The following FBLN7 variants were observed in gnomAD, a reference collection of about 807,000 sequenced individuals.
The protein encoded by FBLN7 is fibulin 7.
FBLN7 carries 31 observed loss-of-function variants against 44.0 expected under a neutral mutation model. That is an observed-to-expected ratio of 0.70 (90% CI 0.53 to 0.95). The LOEUF is 0.95. Among genes scored for constraint, FBLN7 ranks in the 40% least tolerant of loss-of-function variants. FBLN7 has a pLI of 0.00. For synonymous variants in FBLN7, 262 were observed against 253.4 expected (o/e 1.03, Z -0.32); for missense variants, 573 against 618.5 (o/e 0.93, Z 0.78).
the FBLN7 span, among the ~76,000 whole-genome samples, chr2:112,205,175 TAACTC>T: frequency 1.3e-5 from 2 of 152,010 alleles, no homozygotes; most frequent in African/African-American, 2.4e-5. Context: ...ATTAACAAAA[TAACTC>T]AAATGGCTAT....
intron 2 of FBLN7, among the ~76,000 whole-genome samples, chr2:112,160,732 GCACACGCACACACGCGCACGCACACA>G (rs1681755325): frequency 1.2e-5 from 1 of 83,598 alleles, no homozygotes; most frequent in South Asian, 3.6e-4. Context: ...GCACACGCAC[GCACACGCACACACGCGCACGCACACA>G]CGCACGCACA....
the FBLN7 span, among the ~76,000 whole-genome samples, chr2:112,209,642 C>G: frequency 6.6e-6 from 1 of 152,126 alleles, no homozygotes; most frequent in East Asian, 1.9e-4. Flanking sequence ...GGGCTATCAC[C>G]AGAGCCTGAG....
the FBLN7 span, among the ~76,000 whole-genome samples, chr2:112,240,952 A>AGTGTGT: frequency 0.012 from 1,758 of 142,664 alleles, 10 homozygotes; most frequent in Admixed American, 0.016. Context: ...TACAGGTAAC[A>AGTGTGT]GTGTGTGTGT....
chr2:112,180,648 T>C (rs771385550), intron 4 of FBLN7, among the ~76,000 whole-genome samples: 37 of 151,982 alleles, frequency 2.4e-4, no homozygotes, highest in South Asian at 4.1e-4. Flanking sequence ...GGGCTGGGCG[T>C]GGTGGCTCAC....
At position 112,187,020 on chromosome 2, in the gene FBLN7, T is replaced by C; in HGVS notation, c.948-114T>C. On this transcript the variant is annotated intron_variant, in intron 7 of 7. Transcript: ENST00000331203. The surrounding 1 kb of genome is among the most constrained non-coding windows in gnomAD (Gnocchi z 5.1). ...AGCTCCTGGGTGAAGGACCCGTGGC[T>C]GGGAAAGGTCATCTAGGTGGCCTCT... 1 of 1,328,110 alleles carries C rather than the reference T, an allele frequency of 7.5e-7. No individual in the cohort carries two copies. Among genetic ancestry groups the C allele is most frequent in the Non-Finnish European group, 1.0e-6 (1 of 973,168 alleles). 82.3% of individuals were successfully genotyped at this position (1,328,110 alleles called of 1,614,324 possible).
chr2:112,153,452 T>A (rs868172243), intron 1 of FBLN7, among the ~76,000 whole-genome samples: 2 of 152,124 alleles, frequency 1.3e-5, no homozygotes, highest in Non-Finnish European at 2.9e-5. Context: ...TCAAAAGGTG[T>A]CACTGTACCA....
At chr2:112,160,660 G>GCAGACGCACGCA (rs1558879500) in intron 2 of FBLN7, among the ~76,000 whole-genome samples, 7 of 21,868 alleles carry the variant, frequency 3.2e-4, no homozygotes. Flanking sequence ...ACGCACACGC[G>GCAGACGCACGCA]CACGCACACG....
At position 112,187,057 on chromosome 2, in the gene FBLN7, G is replaced by C; in HGVS notation, c.948-77G>C. The C allele has an allele frequency of 6.5e-7, 1 of 1,548,048 alleles. No individual in the cohort carries two copies. The highest frequency in any genetic ancestry group is 1.2e-5 in the South Asian group (1 of 80,644). ...TCTAGGTGGCCTCTGCAAGAGGGCAGGTGGGCAGCCGGGTCAGAGCAGCTC... is the reference window on the plus strand; with the variant it reads ...TCTAGGTGGCCTCTGCAAGAGGGCACGTGGGCAGCCGGGTCAGAGCAGCTC... On this transcript the variant is annotated intron_variant, in intron 7 of 7. Transcript: ENST00000331203. This position sits in a 1 kb window ranked among gnomAD's most constrained non-coding sequence, Gnocchi z 5.1.
chr2:112,160,803 C>T (rs569021457), intron 2 of FBLN7, among the ~76,000 whole-genome samples: 1 of 148,512 alleles, frequency 6.7e-6, no homozygotes, highest in African/African-American at 2.5e-5. Context: ...CACACACGCA[C>T]GCACACACAC....
the FBLN7 span, chr2:112,236,635 A>G: frequency 1.9e-6 from 3 of 1,613,658 alleles, no homozygotes; most frequent in African/African-American, 4.0e-5. Context: ...TTTTCGCTTC[A>G]TTTTCTTCTG....
chr2:112,237,371 G>C, the FBLN7 span, among the ~76,000 whole-genome samples: 1 of 152,120 alleles, frequency 6.6e-6, no homozygotes, highest in South Asian at 2.1e-4. Context: ...TGTTTACAAT[G>C]ACCTCATAAA....
chr2:112,244,202 G>A, the FBLN7 span, among the ~76,000 whole-genome samples: 1 of 152,050 alleles, frequency 6.6e-6, no homozygotes, highest in Non-Finnish European at 1.5e-5. Flanking sequence ...AAAGATATTA[G>A]AATGAAATTG....
chr2:112,242,783 C>G, the FBLN7 span, among the ~76,000 whole-genome samples: 1 of 152,168 alleles, frequency 6.6e-6, no homozygotes, highest in Non-Finnish European at 1.5e-5. Context: ...CTCCAGCTCT[C>G]TTCTGATTAA....
At chr2:112,216,683 CA>C in the FBLN7 span, among the ~76,000 whole-genome samples, 334 of 120,918 alleles carry the variant, frequency 2.8e-3, no homozygotes, top group Middle Eastern at 4.7e-3. Flanking sequence ...AGAACTGAAG[CA>C]AAAAAAAAAA....
At chr2:112,171,580 G>T (rs1027607408) in intron 3 of FBLN7, among the ~76,000 whole-genome samples, 6 of 151,890 alleles carry the variant, frequency 4.0e-5, no homozygotes, top group Non-Finnish European at 7.4e-5. Flanking sequence ...CTGAGTAACT[G>T]ACTGGCTGGC....
chr2:112,188,738 T>TTG (rs1240133451), downstream of FBLN7: 5 of 152,216 alleles, frequency 3.3e-5, no homozygotes, highest in Non-Finnish European at 7.3e-5. Context: ...GATCAAGCCC[T>TTG]ACATCAAGAT....
At chr2:112,175,314 A>G (rs7591933) in intron 3 of FBLN7, among the ~76,000 whole-genome samples, 40,009 of 152,234 alleles carry the variant, frequency 0.26, 7,300 homozygotes, top group African/African-American at 0.51. Context: ...GTTGTGGGTT[A>G]CAGGGCCTGA....
chr2:112,186,883 C>T (rs1281304442), intron 7 of FBLN7, among the ~76,000 whole-genome samples: 2 of 152,192 alleles, frequency 1.3e-5, no homozygotes, highest in Non-Finnish European at 2.9e-5. Flanking sequence ...TATGTGCACA[C>T]ACATACACAC....
chr2:112,236,187 C>A, the FBLN7 span, among the ~76,000 whole-genome samples: 1 of 152,084 alleles, frequency 6.6e-6, no homozygotes, highest in East Asian at 1.9e-4. Flanking sequence ...TCACTTGAAC[C>A]CGAGAGGCGG....
Sources: gnomAD v4.1 joint callset for allele counts (sites outside exome capture counted in the v4.1 genomes callset) on GRCh38, gnomAD v4.1.1 for gene constraint, Gnocchi (gnomAD v3.1) non-coding constraint, MANE v1.5 for transcripts, NCBI Gene and HGNC (gene_info 2026-07-23, HGNC 2026-07-21) for gene names.